MTMR1: variants seen among roughly 807,000 people sequenced by gnomAD.
MTMR1 encodes phosphatidylinositol-3-phosphate phosphatase MTMR1.
In MTMR1, 17 loss-of-function variants were observed where a neutral mutation model predicts 51.6. The ratio of observed to expected loss-of-function variants is 0.33; its 90% confidence interval spans 0.23 to 0.49. The LOEUF (loss-of-function observed/expected upper bound fraction) is 0.49. MTMR1 is among the 20% of genes least tolerant of loss of function. The probability of loss-of-function intolerance (pLI) is 0.99; values close to 1 mark genes in which losing one functional copy is unlikely to be tolerated. For missense variants in MTMR1, 386 were observed against 526.9 expected (o/e 0.73, Z 2.62); for synonymous variants, 201 against 205.6 (o/e 0.98, Z 0.19).
chrX:150,696,618 G>A (rs1371672471), intron 1 of MTMR1, among the ~76,000 whole-genome samples: 3 of 111,859 alleles, frequency 2.7e-5, no homozygotes, highest in Non-Finnish European at 5.6e-5. Flanking sequence ...GAGATGCCCT[G>A]GCTCACAGAA....
intron 15 of MTMR1, among the ~76,000 whole-genome samples, chrX:150,757,811 T>C (rs2042947362): frequency 8.9e-6 from 1 of 111,940 alleles, no homozygotes; most frequent in African/African-American, 3.2e-5. Context: ...CCCTGGAGCC[T>C]TTCCCGTTGA....
At chrX:150,761,492 G>A (rs1318745756) in intron 15 of MTMR1, among the ~76,000 whole-genome samples, 2 of 112,926 alleles carry the variant, frequency 1.8e-5, no homozygotes, top group East Asian at 2.8e-4. Context: ...GGTGAAAGAT[G>A]AGCCAGAGGG....
intron 13 of MTMR1, among the ~76,000 whole-genome samples, chrX:150,744,759 G>T (rs1227703872): frequency 8.9e-6 from 1 of 111,910 alleles, no homozygotes; most frequent in Non-Finnish European, 1.9e-5. Context: ...AGGAAGTACA[G>T]TCTCCTGCTG....
intron 8 of MTMR1, among the ~76,000 whole-genome samples, 176 bp from the exon 9 acceptor site, chrX:150,731,294 C>T (rs898493324): frequency 9.0e-6 from 1 of 111,639 alleles, no homozygotes; most frequent in Non-Finnish European, 1.9e-5. Context: ...TTAGAAATGT[C>T]TAGGAAATGG....
At chrX:150,714,485 C>G (rs1201801950) in intron 3 of MTMR1, 2 of 980,326 alleles carry the variant, frequency 2.0e-6, no homozygotes, top group Non-Finnish European at 2.6e-6. Context: ...GCAGGAGATT[C>G]AGGAAGAACA....
At position 150,712,372 on chromosome X, in the gene MTMR1, A is replaced by G; in HGVS notation, c.276+7A>G. ...CAGGAGGCCTGATCTAAGGGTAAGGATATTTGGCTTTCAGCGGATGGGCCT... is the reference window on the plus strand; with the variant it reads ...CAGGAGGCCTGATCTAAGGGTAAGGGTATTTGGCTTTCAGCGGATGGGCCT... On this transcript the variant is annotated splice_region_variant and intron_variant, in intron 3 of 15. Transcript: ENST00000445323. The G allele has an allele frequency of 8.6e-7, 1 of 1,163,764 alleles. No homozygotes were observed. Among genetic ancestry groups the G allele is most frequent in the African/African-American group, 1.8e-5 (1 of 56,155 alleles).
At position 150,758,274 on chromosome X, in the gene MTMR1, C is replaced by T. The variant is rs782040245; in HGVS notation, c.1857+2409C>T. Among the ~76,000 whole-genome samples, 3 of 111,371 alleles carry T rather than the reference C, an allele frequency of 2.7e-5. No individual in the cohort carries two copies. In the Admixed American group the frequency reaches 2.9e-4, roughly 11 times the overall value. ...CTCCCTCAGGTCTCCCCTCCACACC[C>T]AGTCCTCTGGGATATTGGGACAGCT... is the stretch of plus-strand genomic sequence containing the variant. On this transcript the variant is annotated intron_variant, in intron 15 of 15. Transcript: ENST00000445323.
chrX:150,751,097 C>T (rs1557417593), intron 14 of MTMR1: 1 of 1,087,050 alleles, frequency 9.2e-7, no homozygotes, highest in Non-Finnish European at 1.2e-6. Flanking sequence ...GACCCTGGAC[C>T]TCCTGACTCC....
Position 150,755,924 on chromosome X carries a change from A to ATT in MTMR1, c.1857+60_1857+61insTT. 4.1e-6 allele frequency: 4 copies of ATT among 979,636 alleles called. No individual in the cohort carries two copies. The South Asian group carries it at 8.2e-5, about 20-fold the overall frequency. The allele number at this position is 979,636 out of a possible 1,213,427, so 80.7% of individuals were successfully genotyped here. ...AGTTTGCCTTTTTTTCCAAGTAAAG[A>ATT]TGGTGGTATGAAAATGTGTTAATGG... On this transcript the variant is annotated intron_variant, in intron 15 of 15. Transcript: ENST00000445323.
chrX:150,759,510 C>T (rs1028221390), intron 15 of MTMR1, among the ~76,000 whole-genome samples: 5 of 100,240 alleles, frequency 5.0e-5, no homozygotes, highest in Admixed American at 1.0e-4. Flanking sequence ...AGGAGACCCC[C>T]GTACCCCTGC....
chrX:150,696,109 A>G (rs189689883), intron 1 of MTMR1, among the ~76,000 whole-genome samples: 166 of 111,463 alleles, frequency 1.5e-3, no homozygotes, highest in African/African-American at 5.2e-3. Context: ...AGACTAGTGG[A>G]CAGGTCTTGT....
chrX:150,744,153 CA>C (rs782447647), intron 12 of MTMR1, among the ~76,000 whole-genome samples: 1 of 112,141 alleles, frequency 8.9e-6, no homozygotes, highest in African/African-American at 3.2e-5. Context: ...AATTATAAAA[CA>C]ACATGTAAAA....
At chrX:150,753,348 G>A (rs988298950) in intron 14 of MTMR1, among the ~76,000 whole-genome samples, 2 of 111,993 alleles carry the variant, frequency 1.8e-5, no homozygotes, top group Non-Finnish European at 3.8e-5. Context: ...TTATACCTAC[G>A]AGTGGAATTG....
At chrX:150,756,264 A>G (rs1557417761) in intron 15 of MTMR1, among the ~76,000 whole-genome samples, 1 of 111,534 alleles carries the variant, frequency 9.0e-6, no homozygotes, top group East Asian at 2.8e-4. Context: ...CAGTGTATAG[A>G]CCCTGTTAGT....
At chrX:150,737,097 C>A in intron 11 of MTMR1, 145 bp from the exon 12 acceptor site, 3 of 495,919 alleles carry the variant, frequency 6.0e-6, no homozygotes, top group Non-Finnish European at 9.8e-6. Flanking sequence ...CTAATATTTC[C>A]TAGTGATTCT....
Position 150,721,616 on chromosome X carries a change from C to T in MTMR1, c.352+2916C>T, listed in dbSNP as rs782136762. ...TTAATATCTGTAGAATTTGCAGTGA[C>T]ATCTTTCTCATTTCTGATATTATTA... On this transcript the variant is annotated intron_variant, in intron 4 of 15. Transcript: ENST00000445323. Among the ~76,000 whole-genome samples, 5 of 111,244 alleles carry T rather than the reference C, an allele frequency of 4.5e-5. No homozygotes were observed. The East Asian group carries it at 1.4e-3, about 31-fold the overall frequency.
intron 10 of MTMR1, among the ~76,000 whole-genome samples, chrX:150,735,074 G>T (rs1557417108): frequency 8.9e-6 from 1 of 111,983 alleles, no homozygotes; most frequent in Non-Finnish European, 1.9e-5. Flanking sequence ...TAGAGGCAGA[G>T]ATTTAAATGA....
intron 10 of MTMR1, among the ~76,000 whole-genome samples, chrX:150,734,367 C>T (rs1354577862): frequency 8.8e-6 from 1 of 113,037 alleles, no homozygotes; most frequent in African/African-American, 3.2e-5. Context: ...AATAAGGTCA[C>T]ATTCACCATT....
intron 12 of MTMR1, among the ~76,000 whole-genome samples, chrX:150,740,916 C>T (rs1173738253): frequency 9.0e-6 from 1 of 110,519 alleles, no homozygotes; most frequent in African/African-American, 3.3e-5. Flanking sequence ...AGAGAACTCA[C>T]TCACACACTC....
Sources: gnomAD v4.1 joint callset for allele counts (sites outside exome capture counted in the v4.1 genomes callset) on GRCh38, gnomAD v4.1.1 for gene constraint, MANE v1.5 for transcripts, NCBI Gene and HGNC (gene_info 2026-07-23, HGNC 2026-07-21) for gene names.